Variants in BNC2 observed in about 807,000 individuals in gnomAD.
BNC2 encodes the protein basonuclin zinc finger protein 2.
A neutral mutation model predicts 76.3 loss-of-function variants in BNC2; 20 were observed. That is an observed-to-expected ratio of 0.26 (90% CI 0.18 to 0.38). The LOEUF (loss-of-function observed/expected upper bound fraction) is 0.38. Ranked by LOEUF, BNC2 falls within the 10% of genes least tolerant of loss-of-function variation. The pLI is 1.00. For synonymous variants in BNC2, 582 were observed against 514.8 expected, an observed-to-expected ratio of 1.13 and a Z score of -1.77; for missense variants, 1,382 against 1,399.8, an observed-to-expected ratio of 0.99 and a Z score of 0.20.
chr9:16,768,264 C>G lies in BNC2; in HGVS notation c.4-29779G>C, dbSNP rs557498469. ...TACAGGCGTGAACCACCATGACAGG[C>G]CAGTGTATGCAATTCAGACACAGAA... On this transcript the variant is annotated intron_variant, in intron 1 of 6. Coordinates refer to ENST00000380672, the MANE Select transcript of BNC2 (RefSeq NM_017637.6). Among the ~76,000 whole-genome samples, 24 of 152,122 alleles carry G rather than the reference C, an allele frequency of 1.6e-4. No homozygotes were observed. In the South Asian group the frequency reaches 5.0e-3, roughly 32 times the overall value.
intron 3 of BNC2, among the ~76,000 whole-genome samples, chr9:16,650,156 T>C (rs1261192066): frequency 6.6e-6 from 1 of 152,206 alleles, no homozygotes; most frequent in African/African-American, 2.4e-5. Flanking sequence ...AAAGGCATAA[T>C]GTCATTCACA....
chr9:16,609,497 T>G (rs1820480156), intron 3 of BNC2, among the ~76,000 whole-genome samples: 1 of 152,126 alleles, frequency 6.6e-6, no homozygotes, highest in South Asian at 2.1e-4. Flanking sequence ...AAGCTAAATA[T>G]GAGCATATAG....
At chr9:16,725,749 T>C (rs1026390753) in intron 3 of BNC2, among the ~76,000 whole-genome samples, 1 of 152,198 alleles carries the variant, frequency 6.6e-6, no homozygotes, top group Non-Finnish European at 1.5e-5. Flanking sequence ...AAAGACATCA[T>C]AAATTGTCCT....
At chr9:16,463,336 G>A in intron 5 of BNC2, among the ~76,000 whole-genome samples, 1 of 111,824 alleles carries the variant, frequency 8.9e-6, no homozygotes, top group East Asian at 2.5e-4. Context: ...TCGCTCTGTC[G>A]CCCAGGCTGG....
intron 5 of BNC2, among the ~76,000 whole-genome samples, chr9:16,441,885 C>T (rs890511335): frequency 6.6e-6 from 1 of 152,254 alleles, no homozygotes; most frequent in Non-Finnish European, 1.5e-5. Flanking sequence ...TAGGTATTAT[C>T]GTGGAATAAA....
At chr9:16,428,620 G>T (rs192476333) in intron 6 of BNC2, among the ~76,000 whole-genome samples, 2 of 152,144 alleles carry the variant, frequency 1.3e-5, no homozygotes, top group African/African-American at 4.8e-5. Flanking sequence ...ATATGCAATA[G>T]CAATACCGAG....
chr9:16,497,978 GGTGTGTGTGTGTGTGT>G lies in BNC2; in HGVS notation c.669+54536_669+54551del, dbSNP rs34523754. On this transcript the variant is annotated intron_variant, in intron 5 of 6. Transcript: ENST00000380672. The stretch of plus-strand genomic sequence containing the variant: ...ATCAATGAGTGGATAAAGAAACTGT[GGTGTGTGTGTGTGTGT>G]GTGTGTGTGTGTGTGTGTGTGTGTA... Among the ~76,000 whole-genome samples the G allele has an allele frequency of 1.3e-3, 177 of 134,868 alleles. 2 individuals are homozygous for G. The highest frequency in any genetic ancestry group is 4.1e-3 in the African/African-American group (157 of 38,134). The allele number at this position is 134,868 out of a possible 152,430, so 88.5% of individuals were successfully genotyped here. A position where few individuals can be genotyped will look rare whatever the true frequency, so the allele number is the denominator to read the frequency against.
At chr9:16,793,124 A>G (rs1393360828) in intron 1 of BNC2, among the ~76,000 whole-genome samples, 1 of 152,256 alleles carries the variant, frequency 6.6e-6, no homozygotes, top group Admixed American at 6.5e-5. Flanking sequence ...AGGATTGTCA[A>G]CAAAGTCAGA....
At chr9:16,723,028 T>A (rs1824208228) in intron 3 of BNC2, among the ~76,000 whole-genome samples, 1 of 152,148 alleles carries the variant, frequency 6.6e-6, no homozygotes, top group Non-Finnish European at 1.5e-5. Flanking sequence ...ATAAAACATA[T>A]TACCACTCAA....
chr9:16,786,089 T>C (rs142388120), intron 1 of BNC2, among the ~76,000 whole-genome samples: 1 of 152,182 alleles, frequency 6.6e-6, no homozygotes, highest in East Asian at 1.9e-4. Flanking sequence ...CCCATGAAAA[T>C]ATAAGTCAAA....
chr9:16,591,959 G>A (rs1366730266), intron 3 of BNC2, among the ~76,000 whole-genome samples: 10 of 151,896 alleles, frequency 6.6e-5, no homozygotes, highest in Admixed American at 5.9e-4. Flanking sequence ...TCTTCTCAAC[G>A]AAAAAACACA....
intron 3 of BNC2, among the ~76,000 whole-genome samples, chr9:16,680,194 G>A (rs776827226): frequency 5.3e-5 from 8 of 152,006 alleles, no homozygotes; most frequent in Non-Finnish European, 1.2e-4. Context: ...GGTTTAGGAG[G>A]ATTTAATCTT....
intron 1 of BNC2, among the ~76,000 whole-genome samples, chr9:16,782,058 G>C (rs1826168357): frequency 1.3e-5 from 2 of 152,000 alleles, no homozygotes; most frequent in African/African-American, 4.8e-5. Flanking sequence ...AGGCCGAGGG[G>C]GGCGGATCAC....
intron 5 of BNC2, among the ~76,000 whole-genome samples, chr9:16,473,726 A>G (rs1821871708): frequency 6.6e-6 from 1 of 152,092 alleles, no homozygotes; most frequent in East Asian, 1.9e-4. Flanking sequence ...TACAAAAATT[A>G]GCCGGGTGTG....
intron 1 of BNC2, among the ~76,000 whole-genome samples, chr9:16,817,771 T>TAG (rs1818219989): frequency 6.6e-6 from 1 of 152,204 alleles, no homozygotes; most frequent in South Asian, 2.1e-4. Flanking sequence ...TCAATAAGCA[T>TAG]TTACTGAGTT....
chr9:16,783,138 C>T (rs1826198980), intron 1 of BNC2, among the ~76,000 whole-genome samples: 1 of 152,062 alleles, frequency 6.6e-6, no homozygotes, highest in Non-Finnish European at 1.5e-5. Flanking sequence ...ACACAATTTG[C>T]AAATAAACAG....
At chr9:16,711,603 T>C (rs1000971364) in intron 3 of BNC2, among the ~76,000 whole-genome samples, 33 of 152,236 alleles carry the variant, frequency 2.2e-4, no homozygotes, top group Admixed American at 2.1e-3. Flanking sequence ...TATTATTCCA[T>C]GTCTGAGCTT....
chr9:16,750,190 CAAAAGA>C (rs1328508797), intron 1 of BNC2, among the ~76,000 whole-genome samples: 1 of 151,672 alleles, frequency 6.6e-6, no homozygotes, highest in Non-Finnish European at 1.5e-5. Flanking sequence ...GGAAAAGAAG[CAAAAGA>C]TAATTATAGG....
At chr9:16,754,827 G>T (rs1431444404) in intron 1 of BNC2, among the ~76,000 whole-genome samples, 1 of 152,160 alleles carries the variant, frequency 6.6e-6, no homozygotes, top group Non-Finnish European at 1.5e-5. Context: ...CAAAGTGCTG[G>T]GATTAGAGGT....
Sources: gnomAD v4.1 joint callset for allele counts (sites outside exome capture counted in the v4.1 genomes callset) on GRCh38, gnomAD v4.1.1 for gene constraint, MANE v1.5 for transcripts, NCBI Gene and HGNC (gene_info 2026-07-23, HGNC 2026-07-21) for gene names.